The following SLC8A1 variants were observed in gnomAD, a reference collection of about 807,000 sequenced individuals.
SLC8A1 encodes the protein solute carrier family 8 member A1.
In SLC8A1, 18 loss-of-function variants were observed where a neutral mutation model predicts 68.3. The observed-to-expected ratio is 0.26, with a 90% CI of 0.18 to 0.39. The LOEUF (loss-of-function observed/expected upper bound fraction) is 0.39, where lower values mean the gene tolerates loss of function less well. SLC8A1 is among the 10% of genes least tolerant of loss of function. SLC8A1 has a pLI of 1.00. For missense variants in SLC8A1, 985 were observed against 1,156.7 expected (o/e 0.85, Z 2.15); for synonymous variants, 475 against 415.5 (o/e 1.14, Z -1.74).
At chr2:40,372,774 C>T (rs1225140998) in intron 2 of SLC8A1, among the ~76,000 whole-genome samples, 1 of 152,022 alleles carries the variant, frequency 6.6e-6, no homozygotes, top group Non-Finnish European at 1.5e-5. Context: ...AGTTAATAAG[C>T]CATCGCTTAT....
At chr2:40,486,436 G>T (rs990350273) in intron 1 of SLC8A1, among the ~76,000 whole-genome samples, 1 of 151,708 alleles carries the variant, frequency 6.6e-6, no homozygotes, top group Admixed American at 6.6e-5. Flanking sequence ...CATGCCCTTG[G>T]ATCTGGATGC....
At chr2:40,503,812 C>T (rs1330873140) in intron 1 of SLC8A1, among the ~76,000 whole-genome samples, 5 of 151,758 alleles carry the variant, frequency 3.3e-5, no homozygotes, top group Non-Finnish European at 7.4e-5. Context: ...AAGAGGACAA[C>T]AAAAAATGGA....
At chr2:40,378,114 A>G (rs540467266) in intron 2 of SLC8A1, among the ~76,000 whole-genome samples, 6 of 152,094 alleles carry the variant, frequency 3.9e-5, no homozygotes, top group Non-Finnish European at 7.4e-5. Context: ...ATAAAAATCT[A>G]TGCCTTTATA....
chr2:40,407,130 G>C (rs186611201), intron 2 of SLC8A1, among the ~76,000 whole-genome samples: 1 of 152,064 alleles, frequency 6.6e-6, no homozygotes, highest in African/African-American at 2.4e-5. Context: ...ACAGTGGTGC[G>C]ATCCCAGCTC....
chr2:40,283,515 T>A (rs770802833), intron 2 of SLC8A1, among the ~76,000 whole-genome samples: 1 of 152,192 alleles, frequency 6.6e-6, no homozygotes, highest in Non-Finnish European at 1.5e-5. Context: ...CAGCTGCCAA[T>A]AGCACTGAGA....
chr2:40,166,319 A>T (rs2046552522), intron 4 of SLC8A1, among the ~76,000 whole-genome samples: 5 of 152,214 alleles, frequency 3.3e-5, no homozygotes, highest in Admixed American at 3.3e-4. Flanking sequence ...GCCAGCATTT[A>T]ATATTTCAAG....
chr2:40,499,583 A>C (rs536599529), intron 1 of SLC8A1, among the ~76,000 whole-genome samples: 1 of 152,080 alleles, frequency 6.6e-6, no homozygotes, highest in Non-Finnish European at 1.5e-5. Flanking sequence ...AGTTGGTGAC[A>C]GTTCCCAACT....
At chr2:40,373,706 T>C (rs1678893522) in intron 2 of SLC8A1, among the ~76,000 whole-genome samples, 1 of 152,022 alleles carries the variant, frequency 6.6e-6, no homozygotes. Context: ...GGCTCAGAAT[T>C]CCCACTTTTT....
At chr2:40,130,253 C>T (rs1298348161) in intron 7 of SLC8A1, among the ~76,000 whole-genome samples, 1 of 152,176 alleles carries the variant, frequency 6.6e-6, no homozygotes, top group Non-Finnish European at 1.5e-5. Flanking sequence ...TCTTAGTATA[C>T]GATAACAGGC....
intron 2 of SLC8A1, among the ~76,000 whole-genome samples, chr2:40,201,553 C>A (rs774073605): frequency 1.3e-5 from 2 of 151,868 alleles, no homozygotes; most frequent in Non-Finnish European, 2.9e-5. Flanking sequence ...TCCACTTTCC[C>A]TGAATGACTA....
At chr2:40,313,524 G>A (rs1459647282) in intron 2 of SLC8A1, among the ~76,000 whole-genome samples, 1 of 151,986 alleles carries the variant, frequency 6.6e-6, no homozygotes, top group Non-Finnish European at 1.5e-5. Context: ...AACCAGCAGT[G>A]TAGTTGAGTT....
intron 1 of SLC8A1, among the ~76,000 whole-genome samples, chr2:40,506,522 G>A (rs974481582): frequency 6.6e-6 from 1 of 151,700 alleles, no homozygotes; most frequent in Non-Finnish European, 1.5e-5. Flanking sequence ...AGCATATTGG[G>A]TTCTTATTTT....
At chr2:40,165,907 C>T (rs2046472137) in intron 4 of SLC8A1, among the ~76,000 whole-genome samples, 1 of 152,140 alleles carries the variant, frequency 6.6e-6, no homozygotes, top group Non-Finnish European at 1.5e-5. Flanking sequence ...TTACCCTTAT[C>T]CTTTAGGCCC....
At chr2:40,115,285 G>A (rs72558067) in exon 8 of SLC8A1, 2 of 1,613,208 alleles carry the variant, frequency 1.2e-6, no homozygotes, top group South Asian at 2.2e-5. Flanking sequence ...TAGGCCTCCA[G>A]GGAGGAGAAG....
chr2:40,165,703 C>T (rs1306399658), intron 4 of SLC8A1, among the ~76,000 whole-genome samples: 1 of 152,126 alleles, frequency 6.6e-6, no homozygotes, highest in Non-Finnish European at 1.5e-5. Flanking sequence ...ACCATGTGAG[C>T]ACAATTATTT....
intron 2 of SLC8A1, among the ~76,000 whole-genome samples, chr2:40,303,692 T>C (rs1264175461): frequency 6.6e-6 from 1 of 152,166 alleles, no homozygotes; most frequent in Non-Finnish European, 1.5e-5. Flanking sequence ...TAATTTGCTA[T>C]AAAAATGGAC....
chr2:40,471,600 A>G (rs1248399932), intron 1 of SLC8A1, among the ~76,000 whole-genome samples: 1 of 152,106 alleles, frequency 6.6e-6, no homozygotes, highest in Non-Finnish European at 1.5e-5. Flanking sequence ...ATGTTTCTCC[A>G]TCAGTCATAT....
intron 2 of SLC8A1, among the ~76,000 whole-genome samples, chr2:40,203,567 C>T (rs1255506723): frequency 6.6e-6 from 1 of 152,012 alleles, no homozygotes; most frequent in Non-Finnish European, 1.5e-5. Flanking sequence ...GCAAGAATAG[C>T]TTAGAGGAGT....
At chr2:40,131,776 G>T (rs1301543680) in intron 7 of SLC8A1, among the ~76,000 whole-genome samples, 4 of 151,640 alleles carry the variant, frequency 2.6e-5, no homozygotes, top group Admixed American at 2.0e-4. Flanking sequence ...GTTTGGTCTA[G>T]CTCGGGAAGA....
Sources: gnomAD v4.1 joint callset for allele counts (sites outside exome capture counted in the v4.1 genomes callset) on GRCh38, gnomAD v4.1.1 for gene constraint, MANE v1.5 for transcripts, NCBI Gene and HGNC (gene_info 2026-07-23, HGNC 2026-07-21) for gene names.